Variants in ROCK2 observed in about 807,000 individuals in gnomAD.
ROCK2 encodes Rho associated coiled-coil containing protein kinase 2.
In ROCK2, 61 loss-of-function variants were observed where a neutral mutation model predicts 195.1. The observed-to-expected ratio is 0.31, with a 90% confidence interval of 0.25 to 0.39. The LOEUF (loss-of-function observed/expected upper bound fraction) is 0.39. ROCK2 is among the 10% of genes least tolerant of loss of function. The probability of loss-of-function intolerance (pLI) is 1.00; values close to 1 mark genes in which losing one functional copy is unlikely to be tolerated. For synonymous variants in ROCK2, 504 were observed against 545.5 expected (o/e 0.92, Z 1.06); for missense variants, 1,109 against 1,637.4 (o/e 0.68, Z 5.57).
intron 1 of ROCK2, among the ~76,000 whole-genome samples, chr2:11,293,061 G>C (rs1177074380): frequency 2.6e-5 from 4 of 152,298 alleles, no homozygotes; most frequent in African/African-American, 9.6e-5. Flanking sequence ...AGGGAACTGT[G>C]AGTCAGTTAA....
chr2:11,263,672 C>A (rs6732004), intron 3 of ROCK2, among the ~76,000 whole-genome samples: 5,616 of 145,134 alleles, frequency 0.039, 176 homozygotes, highest in African/African-American at 0.085. Flanking sequence ...CACACACACA[C>A]AAAAAAAAAC....
chr2:11,339,553 G>T (rs9679137), intron 1 of ROCK2, among the ~76,000 whole-genome samples: 1 of 137,074 alleles, frequency 7.3e-6, no homozygotes, highest in East Asian at 2.2e-4. Context: ...AAAAAAAAAA[G>T]AAAGAAAGAA....
intron 20 of ROCK2, among the ~76,000 whole-genome samples, chr2:11,203,204 AT>A (rs1663926581): frequency 6.6e-6 from 1 of 152,136 alleles, no homozygotes; most frequent in Non-Finnish European, 1.5e-5. Context: ...TTCTGGCCTT[AT>A]TTTAAAAACA....
chr2:11,249,903 T>C (rs1175892430), intron 3 of ROCK2, 105 bp from the exon 4 acceptor site: 2 of 963,796 alleles, frequency 2.1e-6, no homozygotes, highest in African/African-American at 3.4e-5. Context: ...TACAAAAAAA[T>C]GGTCCTTAGC....
intron 17 of ROCK2, 112 bp downstream of exon 17, chr2:11,214,245 C>A: frequency 1.6e-6 from 1 of 625,234 alleles, no homozygotes; most frequent in East Asian, 2.8e-5. Context: ...AAAAGGAATC[C>A]ATGAGCATGT....
intron 32 of ROCK2, among the ~76,000 whole-genome samples, chr2:11,189,677 T>TTA (rs1663340842): frequency 1.3e-5 from 2 of 152,218 alleles, no homozygotes; most frequent in South Asian, 4.1e-4. Flanking sequence ...ACTCTTAAAA[T>TTA]GTGACATTCA....
At chr2:11,266,063 G>A (rs943314671) in intron 3 of ROCK2, among the ~76,000 whole-genome samples, 6 of 152,150 alleles carry the variant, frequency 3.9e-5, no homozygotes, top group Non-Finnish European at 8.8e-5. Flanking sequence ...GGCCTACAGA[G>A]GGTCAGGATC....
At position 11,344,408 on chromosome 2, in the gene ROCK2, C is replaced by T; in HGVS notation, c.-272G>A. ...CGCCCCTCAGTCAGATTCGCGCCGC[C>T]GGTCCGCTGGTCCTCAGCGAGTGCC... is the stretch of plus-strand genomic sequence containing the variant. On this transcript the variant is annotated 5_prime_UTR_variant, in exon 1 of 33. Transcript: ENST00000315872. This position sits in a 1 kb window ranked among gnomAD's most constrained non-coding sequence, Gnocchi z 5.4. 9.2e-7 allele frequency: 1 copy of T among 1,092,472 alleles called. No homozygotes were observed. Among genetic ancestry groups the T allele is most frequent in the Non-Finnish European group, 1.1e-6 (1 of 899,480 alleles). 67.7% of individuals were successfully genotyped at this position (1,092,472 alleles called of 1,614,324 possible). A position where few individuals can be genotyped will look rare whatever the true frequency, so the allele number is the denominator to read the frequency against.
At chr2:11,253,561 T>C (rs1470169115) in intron 3 of ROCK2, among the ~76,000 whole-genome samples, 1 of 152,254 alleles carries the variant, frequency 6.6e-6, no homozygotes, top group African/African-American at 2.4e-5. Flanking sequence ...TTTTTGATGT[T>C]GTTTCTTTGT....
chr2:11,317,627 TAATTATAC>T (rs1668263652), intron 1 of ROCK2, among the ~76,000 whole-genome samples: 18 of 31,424 alleles, frequency 5.7e-4, no homozygotes, highest in East Asian at 1.6e-3. Flanking sequence ...TTTTTTTTTT[TAATTATAC>T]TTTAAGTTCT....
intron 1 of ROCK2, 148 bp downstream of exon 1, chr2:11,343,848 T>G: frequency 1.0e-6 from 1 of 956,560 alleles, no homozygotes; most frequent in Non-Finnish European, 1.5e-6. Context: ...GACAGAATCG[T>G]TTGGTCTCCG....
intron 3 of ROCK2, among the ~76,000 whole-genome samples, chr2:11,266,150 G>A (rs962439430): frequency 3.3e-5 from 5 of 152,186 alleles, no homozygotes; most frequent in African/African-American, 1.2e-4. Context: ...AATGGAGCTG[G>A]CATTTCCTAT....
chr2:11,318,143 G>A (rs960570888), intron 1 of ROCK2, among the ~76,000 whole-genome samples: 61 of 152,166 alleles, frequency 4.0e-4, no homozygotes, highest in Non-Finnish European at 5.4e-4. Context: ...TGGGATGGCT[G>A]GGTCAAATGG....
intron 3 of ROCK2, among the ~76,000 whole-genome samples, chr2:11,266,320 T>G: frequency 6.6e-6 from 1 of 152,240 alleles, no homozygotes; most frequent in East Asian, 1.9e-4. Flanking sequence ...ACTACGGCAT[T>G]AAGATGGCTA....
Position 11,254,727 on chromosome 2 carries a change from TAAAAAAAAAAA to T in ROCK2, c.325-4940_325-4930del, listed in dbSNP as rs10640683. On this transcript the variant is annotated intron_variant, in intron 3 of 32. Coordinates refer to ENST00000315872, the MANE Select transcript of ROCK2 (RefSeq NM_004850.5). ...TAGGCAACAGTGAGACCCTGTCTCTTAAAAAAAAAAAAAAAAAAAAAAAAAAAAAGGTAGAG... is the reference window on the plus strand; with the variant it reads ...TAGGCAACAGTGAGACCCTGTCTCTTAAAAAAAAAAAAAAAAAAGGTAGAG... Among the ~76,000 whole-genome samples the T allele has an allele frequency of 1.4e-3, 53 of 39,130 alleles. No homozygotes were observed. The South Asian group carries it at 0.032, about 24-fold the overall frequency. 25.7% of individuals were successfully genotyped at this position (39,130 alleles called of 152,430 possible). A position where few individuals can be genotyped will look rare whatever the true frequency, so the allele number is the denominator to read the frequency against.
intron 1 of ROCK2, among the ~76,000 whole-genome samples, chr2:11,317,970 A>G (rs1302603209): frequency 1.3e-5 from 2 of 152,058 alleles, no homozygotes; most frequent in Non-Finnish European, 2.9e-5. Flanking sequence ...GCTGCATTGT[A>G]TTCCATAAAA....
chr2:11,259,422 C>T (rs1243137007), intron 3 of ROCK2, among the ~76,000 whole-genome samples: 3 of 151,136 alleles, frequency 2.0e-5, no homozygotes, highest in Admixed American at 6.6e-5. Context: ...TGGAAGCTAC[C>T]AATTAAGTGT....
At chr2:11,315,523 C>T (rs1231283436) in intron 1 of ROCK2, among the ~76,000 whole-genome samples, 2 of 151,794 alleles carry the variant, frequency 1.3e-5, no homozygotes, top group Non-Finnish European at 2.9e-5. Flanking sequence ...TAATTGTTTA[C>T]TCTTTACATT....
chr2:11,206,229 G>T (rs1017829835), intron 20 of ROCK2, among the ~76,000 whole-genome samples: 1 of 152,046 alleles, frequency 6.6e-6, no homozygotes, highest in Non-Finnish European at 1.5e-5. Flanking sequence ...AGAAAACATG[G>T]GTGTCTTTGG....
Sources: gnomAD v4.1 joint callset for allele counts (sites outside exome capture counted in the v4.1 genomes callset) on GRCh38, gnomAD v4.1.1 for gene constraint, Gnocchi (gnomAD v3.1) non-coding constraint, MANE v1.5 for transcripts, NCBI Gene and HGNC (gene_info 2026-07-23, HGNC 2026-07-21) for gene names.